VPS8: variants seen among roughly 807,000 people sequenced by gnomAD.
VPS8 encodes VPS8 subunit of CORVET complex, also known as vacuolar protein sorting-associated protein 8 homolog.
VPS8 carries 129 observed loss-of-function variants against 216.4 expected under a neutral mutation model. The observed-to-expected ratio is 0.60, with a 90% CI of 0.52 to 0.69. VPS8 has a LOEUF of 0.69. Ranked by LOEUF, VPS8 falls within the 30% of genes least tolerant of loss-of-function variation. The pLI, the probability that VPS8 is intolerant of heterozygous loss-of-function variation, is 0.00. For synonymous variants in VPS8, 571 were observed against 565.4 expected (o/e 1.01, Z -0.14); for missense variants, 1,531 against 1,683.5 (o/e 0.91, Z 1.59).
intron 36 of VPS8, among the ~76,000 whole-genome samples, chr3:184,950,382 C>G (rs974255857): frequency 1.3e-5 from 2 of 151,506 alleles, no homozygotes. Flanking sequence ...TAGGCTAAGC[C>G]GAAGTGGACC....
In VPS8 at chr3:184,866,917, C is replaced by A; in HGVS notation, c.1437C>A (p.Ser479Arg). 6.2e-7 allele frequency: 1 copy of A among 1,613,186 alleles called. No individual in the cohort carries two copies. The highest frequency in any genetic ancestry group is 8.5e-7 in the Non-Finnish European group (1 of 1,179,586). Residue 479 changes from serine to arginine, a missense_variant, in exon 17 of 48, where the codon AGC (serine) becomes AGA (arginine). Around this residue, in one of 3 missense-constraint regions of VPS8, gnomAD observed 1,318 missense variants for 1,468.4 expected, o/e 0.90. Coordinates refer to ENST00000625842, the MANE Select transcript of VPS8 (RefSeq NM_001009921.3). The part of the protein sequence containing the change: ...GEKACYQSIS[S>R]YGGQIFYLGT... ...AGGCTTGTTATCAATCCATCAGTAGCTATGGTGGTCAGATCTTTTATTTGG... is the reference window on the plus strand; with the variant it reads ...AGGCTTGTTATCAATCCATCAGTAGATATGGTGGTCAGATCTTTTATTTGG...
At chr3:185,037,265 T>G (rs1024012104) in intron 46 of VPS8, among the ~76,000 whole-genome samples, 3 of 152,088 alleles carry the variant, frequency 2.0e-5, no homozygotes, top group Admixed American at 6.6e-5. Context: ...AGTGGGCAGT[T>G]TTTTCTTCAA....
intron 5 of VPS8, among the ~76,000 whole-genome samples, chr3:184,835,535 GT>G (rs1214463646): frequency 3.9e-5 from 6 of 152,082 alleles, no homozygotes; most frequent in African/African-American, 1.4e-4. Context: ...AAAGCCCATA[GT>G]TTTATGTAGT....
chr3:185,026,823 CT>C (rs1457484609), intron 46 of VPS8, among the ~76,000 whole-genome samples: 4 of 150,968 alleles, frequency 2.6e-5, no homozygotes, highest in Non-Finnish European at 5.9e-5. Flanking sequence ...ATTCTCTTGC[CT>C]TAGTCTCCTG....
At chr3:185,018,541 T>C (rs1202432115) in intron 45 of VPS8, among the ~76,000 whole-genome samples, 2 of 152,244 alleles carry the variant, frequency 1.3e-5, no homozygotes, top group African/African-American at 2.4e-5. Flanking sequence ...GGAAGTTTCA[T>C]CTGCCCACCA....
chr3:184,833,226 C>A (rs922460035), intron 4 of VPS8, among the ~76,000 whole-genome samples: 4 of 152,072 alleles, frequency 2.6e-5, no homozygotes, highest in Non-Finnish European at 5.9e-5. Context: ...TTCAGAGAAT[C>A]ACAAAGACGA....
At chr3:185,010,944 A>G (rs1483158385) in intron 45 of VPS8, among the ~76,000 whole-genome samples, 2 of 152,142 alleles carry the variant, frequency 1.3e-5, no homozygotes, top group South Asian at 2.1e-4. Flanking sequence ...GGCTGCAGTG[A>G]GCTGTGATTG....
chr3:184,935,017 G>GTTA (rs1266678913), intron 34 of VPS8, among the ~76,000 whole-genome samples: 1 of 152,074 alleles, frequency 6.6e-6, no homozygotes, highest in African/African-American at 2.4e-5. Flanking sequence ...TACTCACTCA[G>GTTA]TTATTTTAAT....
intron 25 of VPS8, among the ~76,000 whole-genome samples, chr3:184,912,561 A>G (rs919968853): frequency 4.6e-5 from 7 of 150,596 alleles, no homozygotes; most frequent in African/African-American, 1.5e-4. Flanking sequence ...CTGAGACTTT[A>G]TTTTTCTTTC....
intron 36 of VPS8, among the ~76,000 whole-genome samples, chr3:184,943,402 G>GT (rs1198694162): frequency 3.9e-5 from 6 of 152,260 alleles, no homozygotes; most frequent in Admixed American, 3.3e-4. Context: ...CATTTTAGCT[G>GT]TTTTTTAGTG....
chr3:184,881,660 G>A lies in VPS8; in HGVS notation c.1735-4450G>A, dbSNP rs142964982. On this transcript the variant is annotated intron_variant, in intron 21 of 47. Coordinates refer to ENST00000625842, the MANE Select transcript of VPS8 (RefSeq NM_001009921.3). Reference sequence around the variant, plus strand: ...TCCATATAAATTTTAGAATAATCTCGTCTATATCTATGAAAAATCTTGTGG... The same window carrying A: ...TCCATATAAATTTTAGAATAATCTCATCTATATCTATGAAAAATCTTGTGG... Among the ~76,000 whole-genome samples the A allele has an allele frequency of 4.4e-3, 666 of 151,796 alleles. 4 individuals carry two copies. The highest frequency in any genetic ancestry group is 0.015 in the African/African-American group (617 of 41,376).
Position 184,996,496 on chromosome 3 carries a change from CT to C in VPS8, c.3834del (p.Phe1278LeufsTer38), listed in dbSNP as rs760810117. On this transcript the variant is annotated frameshift_variant, in exon 44 of 48. Coordinates refer to ENST00000625842, the MANE Select transcript of VPS8 (RefSeq NM_001009921.3). LOFTEE classifies it high-confidence loss of function. ...RQEMADEIIVFSCGHLYHSFC... is the reference protein window; with the variant it reads ...RQEMADEIIVXSCGHLYHSFC... ...AAGAAATGGCTGATGAAATAATTGT[CT>C]TTAGGTAAGAAAGGGAAGGAAATGT... The C allele has an allele frequency of 6.2e-7, 1 of 1,602,152 alleles. No individual in the cohort carries two copies. The highest frequency in any genetic ancestry group is 8.5e-7 in the Non-Finnish European group (1 of 1,174,384).
At chr3:184,826,342 A>G in intron 3 of VPS8, 111 bp downstream of exon 3, 1 of 656,312 alleles carries the variant, frequency 1.5e-6, no homozygotes, top group Non-Finnish European at 2.5e-6. Context: ...TAGGGTAGCC[A>G]CTAGTCGTGT....
In VPS8 at chr3:184,855,762, A is replaced by G. The variant is rs1725126699; in HGVS notation, c.1087A>G (p.Asn363Asp). ...LLAWHFVAVQ[N>D]YVNPMLAFCR... ...GGCCTGGCACTTTGTAGCAGTACAA[A>G]ATTACGTGAATCCCATGCTTGCCTT... Residue 363 changes from asparagine to aspartate, a missense_variant, in exon 14 of 48, where the codon AAT (asparagine) becomes GAT (aspartate). Asn to Asp is a conservative substitution (Grantham distance 23). Transcript: ENST00000625842. The G allele has an allele frequency of 1.2e-6, 2 of 1,613,788 alleles. No homozygotes were observed. The highest frequency in any genetic ancestry group is 2.7e-5 in the African/African-American group (2 of 75,010).
At chr3:184,951,169 T>C (rs1744634673) in intron 36 of VPS8, among the ~76,000 whole-genome samples, 1 of 152,150 alleles carries the variant, frequency 6.6e-6, no homozygotes, top group African/African-American at 2.4e-5. Context: ...CTGAACTAAT[T>C]TACAGAATTT....
intron 15 of VPS8, among the ~76,000 whole-genome samples, chr3:184,861,126 T>G (rs982858421): frequency 2.6e-5 from 4 of 152,148 alleles, no homozygotes; most frequent in African/African-American, 9.7e-5. Flanking sequence ...CTGGCCAACT[T>G]CTTGGTTTAA....
intron 36 of VPS8, among the ~76,000 whole-genome samples, chr3:184,944,172 T>A (rs1052544545): frequency 1.3e-5 from 2 of 152,250 alleles, no homozygotes; most frequent in African/African-American, 4.8e-5. Context: ...GATATTTCTC[T>A]ATGTCTTTAC....
At chr3:185,041,565 T>C (rs1377294722) in intron 46 of VPS8, among the ~76,000 whole-genome samples, 1 of 152,188 alleles carries the variant, frequency 6.6e-6, no homozygotes, top group Non-Finnish European at 1.5e-5. Context: ...CCAACATGTT[T>C]CCTGATGAAG....
intron 45 of VPS8, among the ~76,000 whole-genome samples, chr3:185,018,863 G>A (rs966654887): frequency 3.9e-5 from 6 of 152,246 alleles, no homozygotes; most frequent in South Asian, 4.1e-4. Context: ...GTGGTCGCTC[G>A]AGGCGCTGCT....
Sources: gnomAD v4.1 joint callset for allele counts (sites outside exome capture counted in the v4.1 genomes callset) on GRCh38, gnomAD v4.1.1 for gene constraint, gnomAD v4.1.1 regional missense constraint, MANE v1.5 for transcripts, NCBI Gene and HGNC (gene_info 2026-07-23, HGNC 2026-07-21) for gene names.